LRRTM3: variants seen among roughly 807,000 people sequenced by gnomAD.
The protein encoded by LRRTM3 is leucine rich repeat transmembrane neuronal 3.
In LRRTM3, 24 loss-of-function variants were observed where a neutral mutation model predicts 44.7. That is an observed-to-expected ratio of 0.54 (90% CI 0.39 to 0.76). The LOEUF is 0.76. Ranked by LOEUF, LRRTM3 falls within the 30% of genes least tolerant of loss-of-function variation. The pLI, the probability that LRRTM3 is intolerant of heterozygous loss-of-function variation, is 0.00. For synonymous variants in LRRTM3, 277 were observed against 278.7 expected (o/e 0.99, Z 0.06); for missense variants, 587 against 702.2 (o/e 0.84, Z 1.85).
At chr10:67,021,297 C>T (rs544523662) in intron 2 of LRRTM3, among the ~76,000 whole-genome samples, 1 of 152,064 alleles carries the variant, frequency 6.6e-6, no homozygotes, top group East Asian at 1.9e-4. Context: ...TAAAATTAGC[C>T]AAAAATTTAA....
intron 2 of LRRTM3, among the ~76,000 whole-genome samples, chr10:67,092,078 C>A (rs74233476): frequency 9.6e-6 from 1 of 104,306 alleles, no homozygotes; most frequent in Non-Finnish European, 1.9e-5. Context: ...AAAAACATTT[C>A]GATAGTGACA....
chr10:67,012,802 T>G (rs528267703), intron 2 of LRRTM3, among the ~76,000 whole-genome samples: 6 of 152,306 alleles, frequency 3.9e-5, no homozygotes, highest in South Asian at 4.1e-4. Flanking sequence ...TTGTTAAAGT[T>G]TTATTAAAAG....
At chr10:67,031,037 T>G (rs1853694878) in intron 2 of LRRTM3, among the ~76,000 whole-genome samples, 1 of 152,096 alleles carries the variant, frequency 6.6e-6, no homozygotes, top group South Asian at 2.1e-4. Context: ...ATAACTTAGC[T>G]GTGTCACACA....
intron 2 of LRRTM3, among the ~76,000 whole-genome samples, chr10:66,996,649 C>CAAAAAAAAAAAAAAAAAAAAAAAAAAA (rs57025097): frequency 1.5e-5 from 1 of 67,638 alleles, no homozygotes; most frequent in Non-Finnish European, 2.5e-5. Context: ...TCCGTCTCTA[C>CAAAAAAAAAAAAAAAAAAAAAAAAAAA]AAAAAAAAAA....
intron 2 of LRRTM3, among the ~76,000 whole-genome samples, chr10:67,015,951 TTC>T (rs1432757969): frequency 6.6e-6 from 1 of 152,182 alleles, no homozygotes; most frequent in Non-Finnish European, 1.5e-5. Context: ...TCTATTTTAT[TTC>T]TGTCATTTTT....
chr10:67,050,908 C>T (rs575070621), intron 2 of LRRTM3, among the ~76,000 whole-genome samples: 3 of 152,058 alleles, frequency 2.0e-5, no homozygotes, highest in African/African-American at 4.8e-5. Context: ...TCTTTATTTG[C>T]CATGGTGACA....
chr10:67,002,539 C>A (rs1851747479), intron 2 of LRRTM3, among the ~76,000 whole-genome samples: 1 of 152,118 alleles, frequency 6.6e-6, no homozygotes, highest in East Asian at 1.9e-4. Context: ...AAAAAAATTC[C>A]TTTGAAAATG....
intron 2 of LRRTM3, among the ~76,000 whole-genome samples, chr10:67,064,816 A>G (rs1430260312): frequency 3.7e-5 from 5 of 136,082 alleles, no homozygotes; most frequent in African/African-American, 1.2e-4. Flanking sequence ...TAGATGTGGT[A>G]ACTTCTTTTC....
chr10:66,986,864 T>A (rs1390943477), intron 2 of LRRTM3, among the ~76,000 whole-genome samples: 4 of 152,100 alleles, frequency 2.6e-5, no homozygotes, highest in Non-Finnish European at 5.9e-5. Context: ...TACTATGGGA[T>A]TACACTAGAC....
intron 2 of LRRTM3, among the ~76,000 whole-genome samples, chr10:67,093,555 A>C (rs927664989): frequency 6.6e-6 from 1 of 151,920 alleles, no homozygotes; most frequent in African/African-American, 2.4e-5. Flanking sequence ...AGGGATCTAC[A>C]AGGTTGAGTC....
chr10:67,062,897 T>C (rs905970999), intron 2 of LRRTM3, among the ~76,000 whole-genome samples: 1 of 152,196 alleles, frequency 6.6e-6, no homozygotes, highest in African/African-American at 2.4e-5. Context: ...CCAACTTCAG[T>C]GCCCAGGTAG....
At chr10:67,058,943 CA>C (rs1191858196) in intron 2 of LRRTM3, among the ~76,000 whole-genome samples, 4 of 151,852 alleles carry the variant, frequency 2.6e-5, no homozygotes, top group African/African-American at 4.8e-5. Context: ...CATAAATCAC[CA>C]AAAAAAGGCA....
chr10:66,955,713 C>T (rs948470496), intron 2 of LRRTM3, among the ~76,000 whole-genome samples: 1 of 152,138 alleles, frequency 6.6e-6, no homozygotes. Flanking sequence ...AACTGGAGAT[C>T]AGCCTCCATT....
intron 2 of LRRTM3, among the ~76,000 whole-genome samples, chr10:66,960,428 C>T (rs1849049077): frequency 6.6e-6 from 1 of 152,100 alleles, no homozygotes; most frequent in African/African-American, 2.4e-5. Flanking sequence ...TTTCAATTTG[C>T]CTCATTTGAA....
Position 66,926,229 on chromosome 10 carries a change from T to C in LRRTM3, c.-355T>C. On this transcript the variant is annotated 5_prime_UTR_variant, in exon 1 of 3. It removes an upstream start codon present in the reference 5' UTR. Transcript: ENST00000361320. Reference sequence around the variant, plus strand: ...CCAAATTGCCTGGAAGAATACATCATGTTTTTCGATAAGAAGAAATTGTAG... The same window carrying C: ...CCAAATTGCCTGGAAGAATACATCACGTTTTTCGATAAGAAGAAATTGTAG... 2.2e-6 allele frequency: 1 copy of C among 453,354 alleles called. No individual in the cohort carries two copies. The highest frequency in any genetic ancestry group is 1.8e-5 in the South Asian group (1 of 54,626). 28.1% of individuals were successfully genotyped at this position (453,354 alleles called of 1,614,324 possible). A position where few individuals can be genotyped will look rare whatever the true frequency, so the allele number is the denominator to read the frequency against.
intron 2 of LRRTM3, among the ~76,000 whole-genome samples, chr10:66,943,870 C>A (rs1848149391): frequency 6.6e-6 from 1 of 152,152 alleles, no homozygotes; most frequent in African/African-American, 2.4e-5. Context: ...GTCAAAGAAA[C>A]AATGTGCTTA....
chr10:66,952,173 G>T (rs1848569868), intron 2 of LRRTM3, among the ~76,000 whole-genome samples: 1 of 152,216 alleles, frequency 6.6e-6, no homozygotes, highest in African/African-American at 2.4e-5. Context: ...GTGTACAGCA[G>T]CTGTCACACA....
At chr10:67,006,668 TATG>T (rs1187485905) in intron 2 of LRRTM3, among the ~76,000 whole-genome samples, 2 of 152,210 alleles carry the variant, frequency 1.3e-5, no homozygotes, top group African/African-American at 4.8e-5. Context: ...CTTGAGTAAT[TATG>T]ATGCCATCAG....
chr10:67,040,119 C>T (rs764788117), intron 2 of LRRTM3, among the ~76,000 whole-genome samples: 19 of 152,074 alleles, frequency 1.2e-4, no homozygotes, highest in Non-Finnish European at 1.8e-4. Flanking sequence ...GCTATGACAA[C>T]ATCATTCAGC....
Sources: allele counts gnomAD v4.1 joint callset (sites outside exome capture counted in the v4.1 genomes callset), GRCh38; gene constraint gnomAD v4.1.1; transcripts MANE v1.5; gene names NCBI Gene and HGNC (gene_info 2026-07-23, HGNC 2026-07-21).